Variants in TIRAP observed in about 807,000 individuals in gnomAD.
TIRAP encodes TIR domain containing adaptor protein, also known as toll/interleukin-1 receptor domain-containing adapter protein.
In TIRAP, 20 loss-of-function variants were observed where a neutral mutation model predicts 19.8. That is an observed-to-expected ratio of 1.01 (90% confidence interval 0.71 to 1.47). The LOEUF is 1.47. TIRAP is among the 40% of genes most tolerant of loss of function. TIRAP has a pLI of 0.00. For synonymous variants in TIRAP, 125 were observed against 121.7 expected, an observed-to-expected ratio of 1.03 and a Z score of -0.18; for missense variants, 276 against 285.1, an observed-to-expected ratio of 0.97 and a Z score of 0.23.
intron 4 of TIRAP, 90 bp from the exon 5 acceptor site, chr11:126,293,578 T>C (rs1951435019): frequency 3.4e-6 from 5 of 1,458,232 alleles, no homozygotes; most frequent in South Asian, 2.3e-5. Flanking sequence ...GGAAGTGTAA[T>C]AGATAAAAAG....
chr11:126,294,628 C>A lies in TIRAP; in HGVS notation c.*941C>A, dbSNP rs1405596461. 2 of 449,026 alleles carry A rather than the reference C, an allele frequency of 4.5e-6. No individual in the cohort carries two copies. The highest frequency in any genetic ancestry group is 3.2e-5 in the South Asian group (2 of 63,386). 27.8% of individuals were successfully genotyped at this position (449,026 alleles called of 1,614,324 possible). A position where few individuals can be genotyped will look rare whatever the true frequency, so the allele number is the denominator to read the frequency against. On this transcript the variant is annotated 3_prime_UTR_variant, in exon 5 of 5. Coordinates refer to ENST00000392679, the MANE Select transcript of TIRAP (RefSeq NM_001318777.2). ...CTTATAGGACAGGCAAGGTTTCATT[C>A]ATCTGTTCTCAGTAAGTTTGTTGTT...
intron 1 of TIRAP, among the ~76,000 whole-genome samples, chr11:126,289,169 T>C (rs753284377): frequency 3.9e-5 from 6 of 152,260 alleles, no homozygotes; most frequent in Non-Finnish European, 8.8e-5. Flanking sequence ...CTGCTATGGT[T>C]TAAGTTCTAC....
chr11:126,292,765 A>G lies in TIRAP; in HGVS notation c.356A>G (p.Gln119Arg). The stretch of plus-strand genomic sequence containing the variant: ...ACTGCCAGCCTGCGCTGCTTCCTGC[A>G]ACTCCGGGATGCAACCCCAGGCGGC... ...GSTASLRCFL[Q>R]LRDATPGGAI... is the part of the protein sequence containing the mutation. Residue 119 changes from glutamine to arginine, a missense_variant, in exon 4 of 5, where the codon CAA becomes CGA. Physicochemically the swap from Gln to Arg is conservative, Grantham distance 43 (BLOSUM62 1). Coordinates refer to ENST00000392679, the MANE Select transcript of TIRAP (RefSeq NM_001318777.2). 1 of 1,613,120 alleles carries G rather than the reference A, an allele frequency of 6.2e-7. No individual in the cohort carries two copies. Among genetic ancestry groups the G allele is most frequent in the African/African-American group, 1.3e-5 (1 of 75,032 alleles).
rs1364890346 is a variant in TIRAP, at chr11:126,290,277, C to G, written c.-216-185C>G. Among the ~76,000 whole-genome samples, 1 of 152,146 alleles carries G rather than the reference C, an allele frequency of 6.6e-6. No homozygotes were observed. The highest frequency in any genetic ancestry group is 1.9e-4 in the East Asian group (1 of 5,202). ...CAGTCTGTACCACTTTTTGACATGA[C>G]CTTCCTGAGCTGACGGCTGCAGGGG... On this transcript the variant is annotated intron_variant, in intron 1 of 4. Coordinates refer to ENST00000392679, the MANE Select transcript of TIRAP (RefSeq NM_001318777.2). This position sits in a 1 kb window ranked among gnomAD's most constrained non-coding sequence, Gnocchi z 4.9.
chr11:126,293,901 C>A lies in TIRAP; in HGVS notation c.*214C>A. On this transcript the variant is annotated 3_prime_UTR_variant, in exon 5 of 5. Coordinates refer to ENST00000392679, the MANE Select transcript of TIRAP (RefSeq NM_001318777.2). ...AGCTTGGGGACTCCCCCAGGAAGGC[C>A]GTGAAGCTGGGGATTCCCCCTAGGA... 1.7e-6 allele frequency: 1 copy of A among 598,482 alleles called. No homozygotes were observed. Among genetic ancestry groups the A allele is most frequent in the Non-Finnish European group, 3.0e-6 (1 of 337,852 alleles). The allele number at this position is 598,482 out of a possible 1,614,324, so 37.1% of individuals were successfully genotyped here.
intron 1 of TIRAP, among the ~76,000 whole-genome samples, chr11:126,286,191 C>G (rs1362785362): frequency 6.6e-6 from 1 of 151,874 alleles, no homozygotes; most frequent in African/African-American, 2.4e-5. Flanking sequence ...ATGGTAAAAC[C>G]TCGTGTCTAC....
Position 126,287,170 on chromosome 11 carries a change from C to G in TIRAP, c.-216-3292C>G, listed in dbSNP as rs1951331340. On this transcript the variant is annotated intron_variant, in intron 1 of 4. Transcript: ENST00000392679. This position sits in a 1 kb window ranked among gnomAD's most constrained non-coding sequence, Gnocchi z 4.2. ...TCTTTGTGGGCCACTATTCTGTCTA[C>G]CCCAGATAGTGATTCCTGCTTAACA... Among the ~76,000 whole-genome samples, 1 of 152,162 alleles carries G rather than the reference C, an allele frequency of 6.6e-6. No individual in the cohort carries two copies. The highest frequency in any genetic ancestry group is 2.4e-5 in the African/African-American group (1 of 41,434).
rs745657996 is a variant in TIRAP, at chr11:126,293,145, T to C, written c.646+90T>C. Reference sequence around the variant, plus strand: ...TTTAGGAGACAGCCCTGTAGCCTAGTAGTTCAAAGCGCAGCTTCTGGAAAA... The same window carrying C: ...TTTAGGAGACAGCCCTGTAGCCTAGCAGTTCAAAGCGCAGCTTCTGGAAAA... On this transcript the variant is annotated intron_variant, in intron 4 of 4. Transcript: ENST00000392679. 4.4e-6 allele frequency: 7 copies of C among 1,592,876 alleles called. No individual in the cohort carries two copies. The African/African-American group carries it at 6.7e-5, about 15-fold the overall frequency.
chr11:126,292,818 C>T lies in TIRAP; in HGVS notation c.409C>T (p.Leu137=), dbSNP rs775082196. The change falls in exon 4 of 5, where the codon CTG becomes TTG. Residue 137 remains leucine, a synonymous_variant. Coordinates refer to ENST00000392679, the MANE Select transcript of TIRAP (RefSeq NM_001318777.2). ...TATAGTGTCCGAGCTGTGCCAGGCACTGAGCAGTAGTCACTGCCGGGTGCT... is the reference window on the plus strand; with the variant it reads ...TATAGTGTCCGAGCTGTGCCAGGCATTGAGCAGTAGTCACTGCCGGGTGCT... The part of the protein sequence containing the change: ...GAIVSELCQA[L]SSSHCRVLLI... 6.8e-6 allele frequency: 11 copies of T among 1,612,882 alleles called. No individual in the cohort carries two copies. In the African/African-American group the frequency reaches 1.3e-4, roughly 20 times the overall value.
rs149540450 is a variant in TIRAP at position 126,285,231 on chromosome 11, A to ATGTGTGTGTG, written c.-217+2082_-217+2091dup. 0.015 allele frequency among the ~76,000 whole-genome samples: 1,887 copies of ATGTGTGTGTG among 128,666 alleles called. 86 individuals carry two copies. In the East Asian group the frequency reaches 0.15, roughly 10 times the overall value. The allele number at this position is 128,666 out of a possible 152,430, so 84.4% of individuals were successfully genotyped here. On this transcript the variant is annotated intron_variant, in intron 1 of 4. Coordinates refer to ENST00000392679, the MANE Select transcript of TIRAP (RefSeq NM_001318777.2). ...GTGATATAAGACATTTATTGGATAT[A>ATGTGTGTGTG]TGTGTGTGTGTGTATATATATATAT...
chr11:126,291,656 G>C lies in TIRAP; in HGVS notation c.67+695G>C. On this transcript the variant is annotated intron_variant, in intron 3 of 4. Transcript: ENST00000392679. The surrounding 1 kb of genome is among the most constrained non-coding windows in gnomAD (Gnocchi z 5.6). ...ATTTAGCGACAATCTAGGATTTCTT[G>C]GGGCCAAACAGATGCCAGTCCTCCG... 7.4e-6 allele frequency: 3 copies of C among 403,972 alleles called. No homozygotes were observed. Among genetic ancestry groups the C allele is most frequent in the Admixed American group, 2.6e-5 (1 of 37,834 alleles). 25.0% of individuals were successfully genotyped at this position (403,972 alleles called of 1,614,324 possible).
rs932291245 is a variant in TIRAP at position 126,287,799 on chromosome 11, G to A, written c.-216-2663G>A. Among the ~76,000 whole-genome samples the A allele has an allele frequency of 3.9e-5, 6 of 152,012 alleles. No individual in the cohort carries two copies. The highest frequency in any genetic ancestry group is 7.4e-5 in the Non-Finnish European group (5 of 67,996). ...GATCGAGTCTCGCTCTGTCACCCAGGCTGGAGCACAGTGGTGCAATCTCGG... is the reference window on the plus strand; with the variant it reads ...GATCGAGTCTCGCTCTGTCACCCAGACTGGAGCACAGTGGTGCAATCTCGG... On this transcript the variant is annotated intron_variant, in intron 1 of 4. Coordinates refer to ENST00000392679, the MANE Select transcript of TIRAP (RefSeq NM_001318777.2). This position sits in a 1 kb window ranked among gnomAD's most constrained non-coding sequence, Gnocchi z 4.2.
Position 126,290,742 on chromosome 11 carries a change from C to A in TIRAP, c.-92-61C>A. ...GAAACAGAACTTCGCAGAGCTCATCCATGGGGAATGAGAGCAGGGTAAGTG... is the reference window on the plus strand; with the variant it reads ...GAAACAGAACTTCGCAGAGCTCATCAATGGGGAATGAGAGCAGGGTAAGTG... On this transcript the variant is annotated intron_variant, in intron 2 of 4. Transcript: ENST00000392679. The surrounding 1 kb of genome is among the most constrained non-coding windows in gnomAD (Gnocchi z 4.9). The A allele has an allele frequency of 7.0e-7, 1 of 1,427,936 alleles. No homozygotes were observed. Among genetic ancestry groups the A allele is most frequent in the Non-Finnish European group, 9.1e-7 (1 of 1,093,560 alleles). 88.5% of individuals were successfully genotyped at this position (1,427,936 alleles called of 1,614,324 possible). A position where few individuals can be genotyped will look rare whatever the true frequency, so the allele number is the denominator to read the frequency against.
Position 126,285,243 on chromosome 11 carries a change from G to GTGTGTGTATATATATATATATATATATA in TIRAP, c.-217+2091_-217+2092insGTGTGTATATATATATATATATATATAT. 1.1e-3 allele frequency among the ~76,000 whole-genome samples: 118 copies of GTGTGTGTATATATATATATATATATATA among 106,934 alleles called. 1 individual carries two copies. Among genetic ancestry groups the GTGTGTGTATATATATATATATATATATA allele is most frequent in the African/African-American group, 1.4e-3 (39 of 28,228 alleles). 70.2% of individuals were successfully genotyped at this position (106,934 alleles called of 152,430 possible). On this transcript the variant is annotated intron_variant, in intron 1 of 4. Transcript: ENST00000392679. ...ATTTATTGGATATATGTGTGTGTGTGTATATATATATATATATAATATATA... is the reference window on the plus strand; with the variant it reads ...ATTTATTGGATATATGTGTGTGTGTGTGTGTGTATATATATATATATATATATATATATATATATATATATAATATATA...
At chr11:126,284,313 C>T (rs577812520) in intron 1 of TIRAP, among the ~76,000 whole-genome samples, 57 of 152,150 alleles carry the variant, frequency 3.7e-4, no homozygotes, top group Middle Eastern at 3.4e-3. Context: ...GGATTACAGG[C>T]GTGAACCACT....
intron 1 of TIRAP, among the ~76,000 whole-genome samples, chr11:126,286,629 T>C (rs534859363): frequency 3.9e-5 from 6 of 152,356 alleles, no homozygotes; most frequent in African/African-American, 1.4e-4. Flanking sequence ...AGGTGAAGTA[T>C]AGATGGTAAT....
chr11:126,286,304 G>A (rs2135284079), intron 1 of TIRAP, among the ~76,000 whole-genome samples: 1 of 152,194 alleles, frequency 6.6e-6, no homozygotes, highest in East Asian at 1.9e-4. Context: ...GGCAGAGGTT[G>A]CAGTGAGCTG....
In TIRAP at chr11:126,290,138, G is replaced by C. The variant is rs1951363120; in HGVS notation, c.-216-324G>C. On this transcript the variant is annotated intron_variant, in intron 1 of 4. Coordinates refer to ENST00000392679, the MANE Select transcript of TIRAP (RefSeq NM_001318777.2). This position sits in a 1 kb window ranked among gnomAD's most constrained non-coding sequence, Gnocchi z 4.9. ...GATTTCATTTAATCTTCACAATAAT[G>C]CTGAGAAGGAGGCTCTAGTACTTCC... 6.6e-6 allele frequency among the ~76,000 whole-genome samples: 1 copy of C among 152,136 alleles called. No homozygotes were observed. Among genetic ancestry groups the C allele is most frequent in the African/African-American group, 2.4e-5 (1 of 41,394 alleles).
Position 126,292,502 on chromosome 11 carries a change from G to A in TIRAP, c.93G>A (p.Lys31=), listed in dbSNP as rs1951406071. 1 of 1,613,836 alleles carries A rather than the reference G, an allele frequency of 6.2e-7. No homozygotes were observed. The highest frequency in any genetic ancestry group is 8.5e-7 in the Non-Finnish European group (1 of 1,179,984). Reference sequence around the variant, plus strand: ...ACTGGTTCAGGCAGACCCTGCTGAAGAAGCCCAAGAAGAGGCCCAACTCCC... The same window carrying A: ...ACTGGTTCAGGCAGACCCTGCTGAAAAAGCCCAAGAAGAGGCCCAACTCCC... ...MADWFRQTLL[K]KPKKRPNSPE... Residue 31 remains lysine, a synonymous_variant, in exon 4 of 5, where the codon AAG becomes AAA. Coordinates refer to ENST00000392679, the MANE Select transcript of TIRAP (RefSeq NM_001318777.2).
Sources: gnomAD v4.1 joint callset for allele counts (sites outside exome capture counted in the v4.1 genomes callset) on GRCh38, gnomAD v4.1.1 for gene constraint, Gnocchi (gnomAD v3.1) non-coding constraint, MANE v1.5 for transcripts, NCBI Gene and HGNC (gene_info 2026-07-23, HGNC 2026-07-21) for gene names.